The following BCAR3 variants were observed in gnomAD, a reference collection of about 807,000 sequenced individuals.
BCAR3 encodes the protein BCAR3 adaptor protein, NSP family member.
A neutral mutation model predicts 80.1 loss-of-function variants in BCAR3; 37 were observed. The ratio of observed to expected loss-of-function variants is 0.46; its 90% CI spans 0.36 to 0.61. BCAR3 has a LOEUF of 0.61. BCAR3 is among the 20% of genes least tolerant of loss of function. The pLI, the probability that BCAR3 is intolerant of heterozygous loss-of-function variation, is 0.00. For synonymous variants in BCAR3, 389 were observed against 418.9 expected (o/e 0.93, Z 0.87); for missense variants, 978 against 1,068.2 (o/e 0.92, Z 1.18).
chr1:93,763,780 G>T (rs955655530), intron 2 of BCAR3, among the ~76,000 whole-genome samples: 1 of 152,110 alleles, frequency 6.6e-6, no homozygotes, highest in Non-Finnish European at 1.5e-5. Context: ...GAACATAAAG[G>T]CCTGACTTGC....
chr1:93,730,637 A>G (rs928848445), intron 2 of BCAR3, among the ~76,000 whole-genome samples: 2 of 152,184 alleles, frequency 1.3e-5, no homozygotes, highest in Admixed American at 1.3e-4. Flanking sequence ...TAGATGCTCT[A>G]CTTGAGGTCT....
intron 2 of BCAR3, among the ~76,000 whole-genome samples, chr1:93,672,658 C>A (rs1648268847): frequency 6.6e-6 from 1 of 152,170 alleles, no homozygotes; most frequent in Admixed American, 6.5e-5. Flanking sequence ...CATGTTCACC[C>A]ATTCCAGCAG....
chr1:93,606,946 G>A lies in BCAR3; in HGVS notation c.358-14553C>T, dbSNP rs1015787351. Among the ~76,000 whole-genome samples, 7 of 152,180 alleles carry A rather than the reference G, an allele frequency of 4.6e-5. No homozygotes were observed. The East Asian group carries it at 5.8e-4, about 13-fold the overall frequency. ...ATCATATCAGAATTGGACAGCATCC[G>A]CTGCACTTGGCAATGTGCAGGTCAC... On this transcript the variant is annotated intron_variant, in intron 3 of 11. Transcript: ENST00000260502.
At chr1:93,760,856 GC>G (rs1197985628) in intron 2 of BCAR3, among the ~76,000 whole-genome samples, 1 of 152,114 alleles carries the variant, frequency 6.6e-6, no homozygotes, top group East Asian at 1.9e-4. Context: ...TATCACTGTG[GC>G]CCAAGGAATA....
intron 3 of BCAR3, among the ~76,000 whole-genome samples, chr1:93,633,070 AT>A (rs1012785728): frequency 1.3e-5 from 2 of 152,186 alleles, no homozygotes; most frequent in African/African-American, 2.4e-5. Flanking sequence ...TAGTGGTCAT[AT>A]AAAAATAGGT....
upstream of BCAR3, chr1:93,847,207 G>A (rs899455897): frequency 1.6e-5 from 3 of 190,958 alleles, no homozygotes; most frequent in South Asian, 8.2e-5. Context: ...GGGCTGGAGC[G>A]GCCGCCGGAG....
chr1:93,586,612 A>G lies in BCAR3; in HGVS notation c.929+2365T>C, dbSNP rs755330229. On this transcript the variant is annotated intron_variant, in intron 5 of 11. Coordinates refer to ENST00000260502, the MANE Select transcript of BCAR3 (RefSeq NM_003567.4). This position sits in a 1 kb window ranked among gnomAD's most constrained non-coding sequence, Gnocchi z 4.2. Reference sequence around the variant, plus strand: ...TAGTAGCTCAATTTTTAGTTTTCTGAGGAACCTCGAAACTGTTCTCCATAG... The same window carrying G: ...TAGTAGCTCAATTTTTAGTTTTCTGGGGAACCTCGAAACTGTTCTCCATAG... Among the ~76,000 whole-genome samples, 8 of 152,198 alleles carry G rather than the reference A, an allele frequency of 5.3e-5. No individual in the cohort carries two copies. Among genetic ancestry groups the G allele is most frequent in the Non-Finnish European group, 1.2e-4 (8 of 68,032 alleles).
At chr1:93,596,020 G>A (rs1674407005) in intron 3 of BCAR3, among the ~76,000 whole-genome samples, 1 of 152,166 alleles carries the variant, frequency 6.6e-6, no homozygotes, top group African/African-American at 2.4e-5. Context: ...TGGCTATGAA[G>A]CAAATTCTAG....
chr1:93,819,386 T>C (rs910922811), intron 2 of BCAR3, among the ~76,000 whole-genome samples: 1 of 152,186 alleles, frequency 6.6e-6, no homozygotes, highest in Non-Finnish European at 1.5e-5. Flanking sequence ...TTAAACTGAC[T>C]TTGCTAACCA....
chr1:93,598,451 C>T (rs1447043322), intron 3 of BCAR3, among the ~76,000 whole-genome samples: 1 of 152,214 alleles, frequency 6.6e-6, no homozygotes, highest in Non-Finnish European at 1.5e-5. Context: ...GCAGGAAAGA[C>T]TCTATCCCCA....
chr1:93,672,944 C>A (rs1025008351), intron 2 of BCAR3, among the ~76,000 whole-genome samples: 4 of 152,224 alleles, frequency 2.6e-5, no homozygotes, highest in Non-Finnish European at 5.9e-5. Flanking sequence ...GTGCTACACT[C>A]CAGCCACAGG....
chr1:93,757,972 G>A (rs149308490), intron 2 of BCAR3, among the ~76,000 whole-genome samples: 94 of 152,266 alleles, frequency 6.2e-4, no homozygotes, highest in African/African-American at 2.2e-3. Context: ...CTGATCTCAC[G>A]GGGAGCTCTG....
intron 2 of BCAR3, among the ~76,000 whole-genome samples, chr1:93,816,039 GT>G (rs1213336411): frequency 1.2e-4 from 18 of 152,284 alleles, no homozygotes; most frequent in Admixed American, 5.2e-4. Context: ...CAAGAGGTAC[GT>G]ATTCAGGCTA....
chr1:93,778,152 T>A (rs1010635958), intron 2 of BCAR3, among the ~76,000 whole-genome samples: 2 of 152,174 alleles, frequency 1.3e-5, no homozygotes, highest in Admixed American at 1.3e-4. Flanking sequence ...ACCATCCATT[T>A]CTGAAATAAA....
chr1:93,579,506 A>G (rs544366450), intron 7 of BCAR3, among the ~76,000 whole-genome samples: 7 of 152,126 alleles, frequency 4.6e-5, no homozygotes, highest in Non-Finnish European at 8.8e-5. Context: ...GCAGGCAGAC[A>G]TGAGAGTGAG....
In BCAR3 at chr1:93,713,832, G is replaced by A. The variant is rs190321125; in HGVS notation, c.-62-7690C>T. On this transcript the variant is annotated intron_variant, in intron 2 of 13. Coordinates refer to the BCAR3 transcript ENST00000370244. The stretch of plus-strand genomic sequence containing the variant: ...TTCAAATGTTAATAAATTTCTATTT[G>A]AAAATTATGCCCATTTCTGGAAGCC... Among the ~76,000 whole-genome samples, 245 of 152,174 alleles carry A rather than the reference G, an allele frequency of 1.6e-3. 1 individual carries two copies. The highest frequency in any genetic ancestry group is 5.7e-3 in the African/African-American group (235 of 41,518).
At chr1:93,692,368 A>G (rs1165169965) in intron 3 of BCAR3, among the ~76,000 whole-genome samples, 1 of 152,216 alleles carries the variant, frequency 6.6e-6, no homozygotes, top group Non-Finnish European at 1.5e-5. Flanking sequence ...GAGGTTTCCA[A>G]ATGGTAAGAA....
intron 2 of BCAR3, among the ~76,000 whole-genome samples, chr1:93,655,873 C>G (rs1481006625): frequency 6.6e-6 from 1 of 152,184 alleles, no homozygotes; most frequent in African/African-American, 2.4e-5. Flanking sequence ...AAATAGTCAA[C>G]CCATGAAGGA....
At chr1:93,609,037 T>C (rs1287901143) in intron 3 of BCAR3, among the ~76,000 whole-genome samples, 1 of 152,078 alleles carries the variant, frequency 6.6e-6, no homozygotes, top group East Asian at 1.9e-4. Context: ...ACAGGGAAGA[T>C]GAGCAGGGCC....
Sources: allele counts gnomAD v4.1 joint callset (sites outside exome capture counted in the v4.1 genomes callset), GRCh38; gene constraint gnomAD v4.1.1; non-coding constraint Gnocchi (gnomAD v3.1); transcripts MANE v1.5; gene names NCBI Gene and HGNC (gene_info 2026-07-23, HGNC 2026-07-21).